SLCO3A1: variants seen among roughly 807,000 people sequenced by gnomAD.
SLCO3A1 encodes solute carrier organic anion transporter family member 3A1.
Under a neutral mutation model 63.1 loss-of-function variants are expected in SLCO3A1, and 27 were observed. That is an observed-to-expected ratio of 0.43 (90% CI 0.32 to 0.59). SLCO3A1 has a LOEUF of 0.59. Ranked by LOEUF, SLCO3A1 falls within the 20% of genes least tolerant of loss-of-function variation. The probability of loss-of-function intolerance (pLI) is 0.09; values close to 1 mark genes in which losing one functional copy is unlikely to be tolerated. For missense variants in SLCO3A1, 773 were observed against 945.8 expected (o/e 0.82, Z 2.40); for synonymous variants, 473 against 409.9 (o/e 1.15, Z -1.86).
intron 2 of SLCO3A1, among the ~76,000 whole-genome samples, chr15:91,992,484 T>C (rs572453340): frequency 3.9e-4 from 60 of 152,344 alleles, no homozygotes; most frequent in African/African-American, 1.4e-3. Flanking sequence ...ATCGTTGATA[T>C]GCTCAAGGAT....
At chr15:92,112,550 A>G (rs2047741464) in intron 4 of SLCO3A1, among the ~76,000 whole-genome samples, 1 of 152,194 alleles carries the variant, frequency 6.6e-6, no homozygotes, top group South Asian at 2.1e-4. Flanking sequence ...AGCCCCCTAG[A>G]TGATTCTGTG....
chr15:91,941,033 G>A lies in SLCO3A1; in HGVS notation c.646+24575G>A, dbSNP rs17643904. On this transcript the variant is annotated intron_variant, in intron 2 of 9. Transcript: ENST00000318445. The surrounding 1 kb of genome is among the most constrained non-coding windows in gnomAD (Gnocchi z 4.4). The stretch of plus-strand genomic sequence containing the variant: ...TATTGAAGTGAAGGTAGAGGGAGTG[G>A]GTGGAAAGGAAATCACCCTTTAAAA... Among the ~76,000 whole-genome samples the A allele has an allele frequency of 9.7e-3, 1,481 of 152,216 alleles. 68 individuals carry two copies. Among genetic ancestry groups the A allele is most frequent in the East Asian group, 0.066 (343 of 5,172 alleles).
intron 2 of SLCO3A1, among the ~76,000 whole-genome samples, chr15:92,027,687 C>T (rs1309010465): frequency 3.3e-5 from 5 of 152,162 alleles, no homozygotes; most frequent in African/African-American, 4.8e-5. Flanking sequence ...TGCTTTGTGC[C>T]GTTCAACATT....
chr15:92,046,060 C>G (rs568113710), intron 2 of SLCO3A1, among the ~76,000 whole-genome samples: 51 of 152,216 alleles, frequency 3.4e-4, no homozygotes, highest in African/African-American at 1.2e-3. Flanking sequence ...TAAGATCCTC[C>G]TAGGTGTCTG....
chr15:92,049,629 C>T (rs1164024314), intron 2 of SLCO3A1, among the ~76,000 whole-genome samples: 2 of 152,150 alleles, frequency 1.3e-5, no homozygotes, highest in East Asian at 1.9e-4. Context: ...GCTAGATCAG[C>T]CCCCCAGAAA....
intron 4 of SLCO3A1, among the ~76,000 whole-genome samples, chr15:92,105,193 G>T (rs2047653231): frequency 6.6e-6 from 1 of 151,980 alleles, no homozygotes; most frequent in Admixed American, 6.5e-5. Context: ...TTGATCCTGG[G>T]TTCAAGCTCA....
chr15:91,905,634 T>TTTC (rs1898281120), intron 1 of SLCO3A1, among the ~76,000 whole-genome samples: 2 of 145,380 alleles, frequency 1.4e-5, no homozygotes, highest in Non-Finnish European at 3.0e-5. Context: ...TAGTTTTTTG[T>TTTC]TTTTTTTTTA....
chr15:91,913,349 C>T (rs968047320), intron 1 of SLCO3A1, among the ~76,000 whole-genome samples: 3 of 152,246 alleles, frequency 2.0e-5, no homozygotes, highest in Non-Finnish European at 4.4e-5. Context: ...GTGTCATGGC[C>T]TTAGCCCCGC....
intron 7 of SLCO3A1, among the ~76,000 whole-genome samples, chr15:92,140,814 T>A (rs1172283103): frequency 1.3e-5 from 2 of 152,258 alleles, no homozygotes; most frequent in African/African-American, 4.8e-5. Flanking sequence ...CTGCCTTTTT[T>A]TGTTTTCCAT....
downstream of SLCO3A1, among the ~76,000 whole-genome samples, chr15:92,168,112 T>C (rs2048503031): frequency 6.6e-6 from 1 of 152,222 alleles, no homozygotes; most frequent in Admixed American, 6.5e-5. Context: ...TGGACAGATC[T>C]GAACACAAAC....
chr15:91,913,658 A>G (rs1334179505), intron 1 of SLCO3A1, among the ~76,000 whole-genome samples: 2 of 152,196 alleles, frequency 1.3e-5, no homozygotes, highest in Admixed American at 1.3e-4. Context: ...GCACAGGCGT[A>G]TGTTTATATG....
chr15:92,167,378 A>C (rs537836255), downstream of SLCO3A1, among the ~76,000 whole-genome samples: 21 of 152,356 alleles, frequency 1.4e-4, no homozygotes, highest in South Asian at 4.4e-3. Flanking sequence ...TCAAATATCT[A>C]AGAGGTGCCA....
At chr15:91,982,344 T>TG (rs1245041258) in intron 2 of SLCO3A1, among the ~76,000 whole-genome samples, 1 of 152,260 alleles carries the variant, frequency 6.6e-6, no homozygotes, top group East Asian at 1.9e-4. Flanking sequence ...AGTCCAGCCT[T>TG]GGCTCTGGGG....
At chr15:92,036,303 G>A (rs991347275) in intron 2 of SLCO3A1, among the ~76,000 whole-genome samples, 3 of 151,928 alleles carry the variant, frequency 2.0e-5, no homozygotes, top group African/African-American at 7.3e-5. Context: ...ATTGAAGAAG[G>A]GCTGGCAAAA....
At chr15:92,003,677 C>G (rs1032270593) in intron 2 of SLCO3A1, among the ~76,000 whole-genome samples, 5 of 152,194 alleles carry the variant, frequency 3.3e-5, no homozygotes, top group Non-Finnish European at 7.3e-5. Flanking sequence ...AGTGGTTGTC[C>G]TGTGGGATGA....
chr15:92,038,696 C>T (rs148619808), intron 2 of SLCO3A1, among the ~76,000 whole-genome samples: 22 of 152,248 alleles, frequency 1.4e-4, no homozygotes, highest in Middle Eastern at 3.4e-3. Context: ...TTTATAGATG[C>T]AATGCTATTC....
chr15:92,126,304 C>T (rs1474644530), intron 6 of SLCO3A1, 45 bp downstream of exon 6: 11 of 1,533,696 alleles, frequency 7.2e-6, no homozygotes, highest in Middle Eastern at 1.7e-4. Flanking sequence ...GTTCAGGGAC[C>T]CTAGCAATCT....
rs764778402 is a variant in SLCO3A1 at position 92,146,968 on chromosome 15, A to G, written c.1513-16A>G. ...GAAGTACCCCCAGATAAAAGGGCTG[A>G]ACGCTTCCCTTTCAGAATCTCACGG... On this transcript the variant is annotated splice_polypyrimidine_tract_variant and intron_variant, in intron 7 of 9. Transcript: ENST00000318445. 10 of 1,597,340 alleles carry G rather than the reference A, an allele frequency of 6.3e-6. 1 individual carries two copies. In the South Asian group the frequency reaches 1.1e-4, roughly 18 times the overall value.
chr15:92,127,741 T>G (rs1211691289), intron 6 of SLCO3A1, among the ~76,000 whole-genome samples: 1 of 152,156 alleles, frequency 6.6e-6, no homozygotes, highest in African/African-American at 2.4e-5. Flanking sequence ...TTAAAACACC[T>G]TAGTGTTATT....
Sources: allele counts gnomAD v4.1 joint callset (sites outside exome capture counted in the v4.1 genomes callset), GRCh38; gene constraint gnomAD v4.1.1; non-coding constraint Gnocchi (gnomAD v3.1); transcripts MANE v1.5; gene names NCBI Gene and HGNC (gene_info 2026-07-23, HGNC 2026-07-21).